Variants in SPATA17 observed in about 807,000 individuals in gnomAD.
SPATA17 encodes spermatogenesis associated 17, also known as spermatogenesis-associated protein 17.
In SPATA17, 53 loss-of-function variants were observed where a neutral mutation model predicts 62.2. That is an observed-to-expected ratio of 0.85 (90% CI 0.68 to 1.07). SPATA17 has a LOEUF of 1.07. SPATA17 is among the 50% of genes least tolerant of loss of function. The pLI is 0.00. For synonymous variants in SPATA17, 146 were observed against 146.8 expected (o/e 0.99, Z 0.04); for missense variants, 466 against 425.5 (o/e 1.10, Z -0.84).
At chr1:217,785,986 T>G (rs1673850689) in intron 8 of SPATA17, among the ~76,000 whole-genome samples, 2 of 152,178 alleles carry the variant, frequency 1.3e-5, no homozygotes, top group Non-Finnish European at 2.9e-5. Context: ...ATGTCTATCC[T>G]TATGAAGCCA....
intron 1 of SPATA17, among the ~76,000 whole-genome samples, chr1:217,639,550 A>C (rs1401850816): frequency 6.6e-6 from 1 of 152,214 alleles, no homozygotes; most frequent in African/African-American, 2.4e-5. Context: ...TTTTCATTTA[A>C]TTAAAAATTA....
chr1:217,658,745 G>A (rs556587071), intron 3 of SPATA17, among the ~76,000 whole-genome samples: 9 of 152,098 alleles, frequency 5.9e-5, no homozygotes, highest in South Asian at 2.1e-4. Context: ...GCGACAGAGC[G>A]AGACTCTATC....
At chr1:217,803,737 G>A (rs966631913) in intron 9 of SPATA17, among the ~76,000 whole-genome samples, 7 of 152,128 alleles carry the variant, frequency 4.6e-5, no homozygotes, top group Admixed American at 3.9e-4. Context: ...ATAATCCTTG[G>A]CCAGGCAGGG....
intron 8 of SPATA17, 80 bp downstream of exon 8, chr1:217,782,402 T>TA: frequency 2.2e-6 from 3 of 1,387,456 alleles, no homozygotes; most frequent in Non-Finnish European, 2.8e-6. Context: ...TCTAATACTG[T>TA]AAAAAATCTT....
chr1:217,752,642 G>A lies in SPATA17; in HGVS notation c.519+10544G>A, dbSNP rs549752603. On this transcript the variant is annotated intron_variant, in intron 6 of 10. Coordinates refer to ENST00000366933, the MANE Select transcript of SPATA17 (RefSeq NM_138796.4). The stretch of plus-strand genomic sequence containing the variant: ...ATTATGTTGAATATATTTTTGAAAG[G>A]AGAGTCTTCCATTTTGTATATGAAA... 4.6e-5 allele frequency among the ~76,000 whole-genome samples: 7 copies of A among 152,242 alleles called. No individual in the cohort carries two copies. In the South Asian group the frequency reaches 1.2e-3, roughly 27 times the overall value.
intron 5 of SPATA17, among the ~76,000 whole-genome samples, chr1:217,740,143 G>T (rs1164328463): frequency 6.7e-6 from 1 of 150,040 alleles, no homozygotes; most frequent in African/African-American, 2.4e-5. Flanking sequence ...GTTCATATAT[G>T]TTTTCAATTA....
intron 1 of SPATA17, among the ~76,000 whole-genome samples, chr1:217,643,714 C>CTCTCTA (rs1394179835): frequency 7.4e-5 from 11 of 149,092 alleles, no homozygotes; most frequent in African/African-American, 2.2e-4. Flanking sequence ...CTCTCTCTCT[C>CTCTCTA]TATATATATA....
chr1:217,657,750 C>T (rs971105837), intron 3 of SPATA17, among the ~76,000 whole-genome samples: 1 of 151,988 alleles, frequency 6.6e-6, no homozygotes, highest in Non-Finnish European at 1.5e-5. Flanking sequence ...ATTCTTAGTC[C>T]TGTATGTAAA....
chr1:217,796,497 G>A (rs555499409), intron 8 of SPATA17, among the ~76,000 whole-genome samples: 1 of 152,122 alleles, frequency 6.6e-6, no homozygotes, highest in Non-Finnish European at 1.5e-5. Context: ...TTACTGTTTA[G>A]TTGAACAGAT....
At chr1:217,756,909 A>G (rs1673057666) in intron 6 of SPATA17, among the ~76,000 whole-genome samples, 1 of 152,254 alleles carries the variant, frequency 6.6e-6, no homozygotes, top group South Asian at 2.1e-4. Context: ...TAATCATTTT[A>G]TGAGACGAAG....
intron 9 of SPATA17, among the ~76,000 whole-genome samples, chr1:217,829,686 A>T (rs898717349): frequency 6.6e-6 from 1 of 151,296 alleles, no homozygotes; most frequent in Non-Finnish European, 1.5e-5. Context: ...TGAAAAAAAG[A>T]TATATTTTAA....
intron 6 of SPATA17, among the ~76,000 whole-genome samples, chr1:217,746,010 T>G (rs1474581408): frequency 6.6e-6 from 1 of 152,082 alleles, no homozygotes; most frequent in Non-Finnish European, 1.5e-5. Flanking sequence ...TGGGGAGAAA[T>G]TAAGCTGCAG....
In SPATA17 at chr1:217,702,032, G is replaced by A. The variant is rs868471410; in HGVS notation, c.395+18671G>A. On this transcript the variant is annotated intron_variant, in intron 5 of 10. Transcript: ENST00000366933. ...TTAGAGGCAATCACTAAAATTTGGT[G>A]TATATATATATATATATATGCAGAT... 1.2e-3 allele frequency among the ~76,000 whole-genome samples: 184 copies of A among 147,856 alleles called. 1 individual carries two copies. Among genetic ancestry groups the A allele is most frequent in the Middle Eastern group, 3.6e-3 (1 of 276 alleles).
intron 5 of SPATA17, among the ~76,000 whole-genome samples, chr1:217,721,275 C>A (rs548504658): frequency 1.3e-5 from 2 of 152,184 alleles, no homozygotes; most frequent in East Asian, 3.9e-4. Flanking sequence ...CTCCATGATC[C>A]TCTCTAAGAT....
At chr1:217,852,640 C>G (rs1254089887) in intron 9 of SPATA17, among the ~76,000 whole-genome samples, 2 of 152,170 alleles carry the variant, frequency 1.3e-5, no homozygotes, top group African/African-American at 2.4e-5. Context: ...TTGCAAATCC[C>G]AAATGCATTA....
intron 9 of SPATA17, among the ~76,000 whole-genome samples, chr1:217,849,624 C>G (rs1484426734): frequency 6.6e-6 from 1 of 152,088 alleles, no homozygotes; most frequent in African/African-American, 2.4e-5. Context: ...GCTGTTCTCA[C>G]CGTTCAGTAT....
intron 9 of SPATA17, among the ~76,000 whole-genome samples, chr1:217,832,749 C>G (rs1675173030): frequency 6.6e-6 from 1 of 151,940 alleles, no homozygotes; most frequent in African/African-American, 2.4e-5. Flanking sequence ...TTGAGACCAG[C>G]CTGGGCAACA....
chr1:217,694,896 C>A (rs896789188), intron 5 of SPATA17, among the ~76,000 whole-genome samples: 1 of 141,666 alleles, frequency 7.1e-6, no homozygotes, highest in African/African-American at 2.6e-5. Context: ...TTGAGGGTAA[C>A]CCGACCTTTC....
intron 8 of SPATA17, among the ~76,000 whole-genome samples, chr1:217,786,330 G>A (rs373510395): frequency 1.3e-5 from 2 of 152,148 alleles, no homozygotes; most frequent in African/African-American, 4.8e-5. Context: ...CTAGGAAAGC[G>A]TTCTTGACAG....
Sources: allele counts gnomAD v4.1 joint callset (sites outside exome capture counted in the v4.1 genomes callset), GRCh38; gene constraint gnomAD v4.1.1; transcripts MANE v1.5; gene names NCBI Gene and HGNC (gene_info 2026-07-23, HGNC 2026-07-21).